The following AS3MT variants were observed in gnomAD, a reference collection of about 807,000 sequenced individuals.
AS3MT encodes arsenite methyltransferase, also known as S-adenosyl-L-methionine:arsenic(III) methyltransferase.
AS3MT carries 47 observed loss-of-function variants against 45.3 expected under a neutral mutation model. That is an observed-to-expected ratio of 1.04 (90% CI 0.82 to 1.32). AS3MT has a LOEUF of 1.32. Among genes scored for constraint, AS3MT ranks in the 40% most tolerant of loss-of-function variants. The probability of loss-of-function intolerance (pLI) is 0.00; values close to 1 mark genes in which losing one functional copy is unlikely to be tolerated. For missense variants in AS3MT, 396 were observed against 451.1 expected, an observed-to-expected ratio of 0.88 and a Z score of 1.11; for synonymous variants, 141 against 152.8, an observed-to-expected ratio of 0.92 and a Z score of 0.57.
intron 10 of AS3MT, among the ~76,000 whole-genome samples, chr10:102,892,335 T>C (rs1845084054): frequency 6.6e-6 from 1 of 152,172 alleles, no homozygotes; most frequent in South Asian, 2.1e-4. Flanking sequence ...GCAAATTCCG[T>C]GCTGCTAAAA....
intron 9 of AS3MT, among the ~76,000 whole-genome samples, chr10:102,879,857 A>G (rs1844846756): frequency 6.6e-6 from 1 of 151,140 alleles, no homozygotes; most frequent in Non-Finnish European, 1.5e-5. Context: ...TATTTCAGCA[A>G]TTGAGAACAT....
Position 102,900,633 on chromosome 10 carries a change from A to C in AS3MT, c.1061A>C (p.Asp354Ala). 2 of 1,614,160 alleles carry C rather than the reference A, an allele frequency of 1.2e-6. No homozygotes were observed. The highest frequency in any genetic ancestry group is 1.7e-6 in the Non-Finnish European group (2 of 1,179,990). The change falls in exon 11 of 11, where the codon GAC becomes GCC. Residue 354 changes from aspartate to alanine, a missense_variant. Asp to Ala is a moderately radical substitution (Grantham distance 126). Transcript: ENST00000369880. ...CCATTTAAGCTTGCAGAAGAGTCTG[A>C]CAGTATGAAGTCCAGATGTGTCCCT... ...TDPFKLAEES[D>A]SMKSRCVPDA...
chr10:102,899,348 C>A (rs1845234538), intron 10 of AS3MT, among the ~76,000 whole-genome samples: 1 of 152,126 alleles, frequency 6.6e-6, no homozygotes, highest in African/African-American at 2.4e-5. Context: ...GATGGAAATG[C>A]AATTGATGTG....
At position 102,874,632 on chromosome 10, in the gene AS3MT, GTGCTTCAGGAGGCATA is replaced by G; in HGVS notation, c.501_516del (p.Leu168GlyfsTer3). ...TAACCTTGTGCCTGATAAACAACAA[GTGCTTCAGGAGGCATA>G]TCGGGTGCTGAAGGTGAGGAGGAGA... On this transcript the variant is annotated frameshift_variant, in exon 6 of 11. Transcript: ENST00000369880. LOFTEE classifies it high-confidence loss of function. 6.2e-7 allele frequency: 1 copy of G among 1,610,486 alleles called. No homozygotes were observed. Among genetic ancestry groups the G allele is most frequent in the Non-Finnish European group, 8.5e-7 (1 of 1,177,816 alleles).
At chr10:102,876,874 T>C in intron 6 of AS3MT, 80 bp from the exon 7 acceptor site, 1 of 1,356,064 alleles carries the variant, frequency 7.4e-7, no homozygotes, top group Non-Finnish European at 1.0e-6. Context: ...TTTGATTTTG[T>C]TCCCCTATTC....
In AS3MT at chr10:102,888,881, A is replaced by ATATTTTTTTT. The variant is rs1491503446; in HGVS notation, c.886-1662_886-1661insATTTTTTTTT. On this transcript the variant is annotated intron_variant, in intron 9 of 10. Transcript: ENST00000369880. ...TATATATATATATATATATATATAT[A>ATATTTTTTTT]TTTTTTTTTTTTTTTTTGAGACGGA... 3.2e-4 allele frequency among the ~76,000 whole-genome samples: 17 copies of ATATTTTTTTT among 52,514 alleles called. 1 individual carries two copies. The highest frequency in any genetic ancestry group is 4.3e-4 in the Non-Finnish European group (12 of 27,988). The allele number at this position is 52,514 out of a possible 152,430, so 34.5% of individuals were successfully genotyped here.
chr10:102,870,266 GATA>G (rs1844655849), intron 3 of AS3MT, 55 bp downstream of exon 3: 2 of 1,601,778 alleles, frequency 1.2e-6, no homozygotes, highest in South Asian at 1.1e-5. Context: ...TTTCCCAAAA[GATA>G]ATGATGCAGG....
At chr10:102,876,908 T>C (rs1205425498) in intron 6 of AS3MT, 46 bp from the exon 7 acceptor site, 2 of 1,564,920 alleles carry the variant, frequency 1.3e-6, no homozygotes, top group Non-Finnish European at 1.8e-6. Flanking sequence ...GTGGGGTCAA[T>C]GTAATCATTA....
chr10:102,886,281 C>T (rs1844953051), intron 9 of AS3MT, among the ~76,000 whole-genome samples: 3 of 147,060 alleles, frequency 2.0e-5, no homozygotes, highest in East Asian at 2.2e-4. Flanking sequence ...TCCTTCATTC[C>T]TTCCTTCCTC....
chr10:102,873,532 C>A (rs1043676298), intron 5 of AS3MT, among the ~76,000 whole-genome samples: 1 of 152,128 alleles, frequency 6.6e-6, no homozygotes, highest in African/African-American at 2.4e-5. Context: ...GTGATCCACC[C>A]GCTTCCACCT....
At chr10:102,878,320 C>T (rs1844819317) in intron 7 of AS3MT, 59 bp from the exon 8 acceptor site, 2 of 1,591,478 alleles carry the variant, frequency 1.3e-6, no homozygotes, top group Non-Finnish European at 1.7e-6. Context: ...GAATAGTTCC[C>T]TTAATACTGT....
At chr10:102,876,876 C>A (rs1048695845) in intron 6 of AS3MT, 78 bp from the exon 7 acceptor site, 67 of 1,377,584 alleles carry the variant, frequency 4.9e-5, no homozygotes, top group Non-Finnish European at 6.7e-5. Flanking sequence ...TGATTTTGTT[C>A]CCCTATTCCT....
At chr10:102,890,243 C>T (rs1239728947) in intron 9 of AS3MT, among the ~76,000 whole-genome samples, 11 of 152,040 alleles carry the variant, frequency 7.2e-5, no homozygotes, top group African/African-American at 4.8e-5. Flanking sequence ...ACCTTGTGAT[C>T]GGCCCACCTC....
chr10:102,899,438 T>C (rs1845235679), intron 10 of AS3MT, among the ~76,000 whole-genome samples: 2 of 152,174 alleles, frequency 1.3e-5, no homozygotes, highest in South Asian at 4.1e-4. Flanking sequence ...TCTTACCAGA[T>C]GCAGGCAGAC....
At chr10:102,878,634 A>G (rs1844824914) in intron 8 of AS3MT, 124 bp downstream of exon 8, 4 of 1,408,220 alleles carry the variant, frequency 2.8e-6, no homozygotes, top group East Asian at 2.3e-5. Context: ...GGAAATAGCT[A>G]TCTTGCCTCC....
At chr10:102,895,534 T>C (rs1053477452) in intron 10 of AS3MT, among the ~76,000 whole-genome samples, 2 of 152,114 alleles carry the variant, frequency 1.3e-5, no homozygotes, top group African/African-American at 4.8e-5. Context: ...AATTATGTCT[T>C]TATTCATTTT....
intron 9 of AS3MT, among the ~76,000 whole-genome samples, chr10:102,879,566 G>A (rs1844840811): frequency 6.6e-6 from 1 of 151,986 alleles, no homozygotes; most frequent in South Asian, 2.1e-4. Flanking sequence ...AGGAGTTCGA[G>A]ACCAGCCTGA....
rs764084869 is a variant in AS3MT, at chr10:102,890,582, T to A, written c.924T>A (p.Ala308=). Residue 308 remains alanine, a synonymous_variant, in exon 10 of 11, where the codon GCT becomes GCA. Transcript: ENST00000369880. ...TTGAAGTGGATGAAGAAACAGCAGC[T>A]ATCTTGAAGAATTCAAGATTTGCTC... ...EIVEVDEETA[A]ILKNSRFAQD... The A allele has an allele frequency of 1.2e-6, 2 of 1,608,078 alleles. No individual in the cohort carries two copies. Among genetic ancestry groups the A allele is most frequent in the Non-Finnish European group, 1.7e-6 (2 of 1,178,150 alleles).
intron 8 of AS3MT, 73 bp from the exon 9 acceptor site, chr10:102,878,776 G>T: frequency 6.5e-7 from 1 of 1,539,356 alleles, no homozygotes; most frequent in Non-Finnish European, 8.8e-7. Context: ...TAACGTGTTT[G>T]CTCCTTGTCT....
Sources: gnomAD v4.1 joint callset for allele counts (sites outside exome capture counted in the v4.1 genomes callset) on GRCh38, gnomAD v4.1.1 for gene constraint, MANE v1.5 for transcripts, NCBI Gene and HGNC (gene_info 2026-07-23, HGNC 2026-07-21) for gene names.